LRRTM4: variants seen among roughly 807,000 people sequenced by gnomAD.
LRRTM4 encodes leucine rich repeat transmembrane neuronal 4.
A neutral mutation model predicts 47.6 loss-of-function variants in LRRTM4; 25 were observed. That is an observed-to-expected ratio of 0.53 (90% CI 0.38 to 0.73). LRRTM4 has a LOEUF of 0.73. Among genes scored for constraint, LRRTM4 ranks in the 30% least tolerant of loss-of-function variants. The pLI, the probability that LRRTM4 is intolerant of heterozygous loss-of-function variation, is 0.00. For missense variants in LRRTM4, 638 were observed against 713.4 expected (o/e 0.89, Z 1.20); for synonymous variants, 311 against 269.5 (o/e 1.15, Z -1.51).
chr2:77,433,946 G>T (rs1675485731), intron 3 of LRRTM4, among the ~76,000 whole-genome samples: 1 of 152,150 alleles, frequency 6.6e-6, no homozygotes, highest in South Asian at 2.1e-4. Flanking sequence ...ATGCAAAGAG[G>T]CACAACAGAA....
At chr2:77,203,610 T>A (rs1674040361) in intron 3 of LRRTM4, among the ~76,000 whole-genome samples, 1 of 152,150 alleles carries the variant, frequency 6.6e-6, no homozygotes, top group Admixed American at 6.6e-5. Flanking sequence ...TTTCTGATCA[T>A]CAGAATGTGG....
intron 3 of LRRTM4, among the ~76,000 whole-genome samples, chr2:76,823,578 T>A (rs1671110965): frequency 6.6e-6 from 1 of 151,156 alleles, no homozygotes; most frequent in South Asian, 2.1e-4. Flanking sequence ...CAAAATAATT[T>A]CCACGTGAAT....
In LRRTM4 at chr2:77,217,440, AATATATATATATATAT is replaced by A. The variant is rs34070418; in HGVS notation, c.1551+300862_1551+300877del. Among the ~76,000 whole-genome samples the A allele has an allele frequency of 2.4e-3, 186 of 76,794 alleles. 13 individuals carry two copies. Among genetic ancestry groups the A allele is most frequent in the Non-Finnish European group, 9.9e-4 (44 of 44,462 alleles). The allele number at this position is 76,794 out of a possible 152,430, so 50.4% of individuals were successfully genotyped here. On this transcript the variant is annotated intron_variant, in intron 3 of 3. Coordinates refer to ENST00000409884, the MANE Select transcript of LRRTM4 (RefSeq NM_001134745.3). ...TGATTTGGGCTATATCTCCAAATGA[AATATATATATATATAT>A]ATATATATATATACTAAGCCTTTAA...
Position 77,263,609 on chromosome 2 carries a change from A to T in LRRTM4, c.1551+254709T>A, listed in dbSNP as rs541287744. On this transcript the variant is annotated intron_variant, in intron 3 of 3. Coordinates refer to ENST00000409884, the MANE Select transcript of LRRTM4 (RefSeq NM_001134745.3). ...TGGGGAAAACACTCATACATTTGGT[A>T]TCAGAAGTAAAGTGTTAAGTGAGTG... Among the ~76,000 whole-genome samples the T allele has an allele frequency of 3.9e-5, 6 of 152,282 alleles. No homozygotes were observed. In the South Asian group the frequency reaches 1.0e-3, roughly 26 times the overall value.
At chr2:77,413,651 G>A (rs1421922369) in intron 3 of LRRTM4, among the ~76,000 whole-genome samples, 1 of 152,132 alleles carries the variant, frequency 6.6e-6, no homozygotes, top group Non-Finnish European at 1.5e-5. Context: ...TTGCCAGAAG[G>A]AGGGAGAATT....
chr2:76,974,213 C>CATATATATAT (rs1283439856), intron 3 of LRRTM4, among the ~76,000 whole-genome samples: 1 of 126,436 alleles, frequency 7.9e-6, no homozygotes, highest in Non-Finnish European at 1.6e-5. Context: ...TATATATACA[C>CATATATATAT]ATATATATAC....
At chr2:76,976,379 C>T (rs568141749) in intron 3 of LRRTM4, among the ~76,000 whole-genome samples, 28 of 151,248 alleles carry the variant, frequency 1.9e-4, no homozygotes, top group East Asian at 3.9e-4. Flanking sequence ...CATATATAAA[C>T]GATGAAAGCT....
At chr2:77,024,075 A>G (rs1287086610) in intron 3 of LRRTM4, among the ~76,000 whole-genome samples, 3 of 152,198 alleles carry the variant, frequency 2.0e-5, no homozygotes, top group Admixed American at 2.0e-4. Flanking sequence ...GGAAAAGCAA[A>G]AAGGGAGACC....
At chr2:76,853,188 G>A (rs1030947492) in intron 3 of LRRTM4, among the ~76,000 whole-genome samples, 1 of 152,014 alleles carries the variant, frequency 6.6e-6, no homozygotes, top group African/African-American at 2.4e-5. Context: ...GATAACGCTG[G>A]GTACAGTGTG....
At chr2:77,259,995 G>A (rs1211284794) in intron 3 of LRRTM4, among the ~76,000 whole-genome samples, 1 of 152,050 alleles carries the variant, frequency 6.6e-6, no homozygotes, top group Non-Finnish European at 1.5e-5. Context: ...TCTATGTGGA[G>A]AGTTGCGAAG....
chr2:77,412,396 A>G (rs954228487), intron 3 of LRRTM4, among the ~76,000 whole-genome samples: 24 of 152,222 alleles, frequency 1.6e-4, no homozygotes, highest in African/African-American at 2.2e-4. Flanking sequence ...CCACAATTGC[A>G]TCTGTTCAGC....
chr2:77,243,912 C>A (rs1675346468), intron 3 of LRRTM4, among the ~76,000 whole-genome samples: 1 of 136,016 alleles, frequency 7.4e-6, no homozygotes, highest in South Asian at 2.5e-4. Context: ...CAATGCTATC[C>A]CTCCCCGCTC....
chr2:77,131,853 GA>G (rs1435883314), intron 3 of LRRTM4, among the ~76,000 whole-genome samples: 1 of 151,984 alleles, frequency 6.6e-6, no homozygotes, highest in Non-Finnish European at 1.5e-5. Flanking sequence ...CACAATTTGG[GA>G]ATTTTTTAAA....
At chr2:77,064,730 G>T (rs1679898825) in intron 3 of LRRTM4, among the ~76,000 whole-genome samples, 1 of 152,154 alleles carries the variant, frequency 6.6e-6, no homozygotes, top group African/African-American at 2.4e-5. Context: ...TATAATGTAA[G>T]AAATTTATTT....
At chr2:77,125,225 C>T (rs943921651) in intron 3 of LRRTM4, among the ~76,000 whole-genome samples, 2 of 152,072 alleles carry the variant, frequency 1.3e-5, no homozygotes, top group African/African-American at 4.8e-5. Flanking sequence ...AAAAGAAATC[C>T]ATATTTAGGA....
At chr2:76,784,099 C>G (rs1674542183) in intron 3 of LRRTM4, among the ~76,000 whole-genome samples, 1 of 151,860 alleles carries the variant, frequency 6.6e-6, no homozygotes, top group African/African-American at 2.4e-5. Flanking sequence ...AAACAATCCC[C>G]AAATTCATGA....
At chr2:77,038,647 C>A (rs1573484831) in intron 3 of LRRTM4, among the ~76,000 whole-genome samples, 1 of 151,444 alleles carries the variant, frequency 6.6e-6, no homozygotes, top group Non-Finnish European at 1.5e-5. Context: ...ACTAGCATAA[C>A]AACTTCTTGT....
At chr2:77,355,386 G>A (rs1410816150) in intron 3 of LRRTM4, among the ~76,000 whole-genome samples, 1 of 152,106 alleles carries the variant, frequency 6.6e-6, no homozygotes, top group African/African-American at 2.4e-5. Context: ...AGCCCTCATA[G>A]GGTTGCTTTG....
intron 3 of LRRTM4, among the ~76,000 whole-genome samples, chr2:76,962,295 A>C (rs781275466): frequency 1.5e-4 from 23 of 151,370 alleles, no homozygotes; most frequent in Admixed American, 3.3e-4. Flanking sequence ...ATTTCAATAC[A>C]AAGTAATACG....
Sources: gnomAD v4.1 joint callset for allele counts (sites outside exome capture counted in the v4.1 genomes callset) on GRCh38, gnomAD v4.1.1 for gene constraint, MANE v1.5 for transcripts, NCBI Gene and HGNC (gene_info 2026-07-23, HGNC 2026-07-21) for gene names.